Variants in OPCML observed in about 807,000 individuals in gnomAD.
OPCML encodes opioid-binding protein/cell adhesion molecule.
Under a neutral mutation model 37.8 loss-of-function variants are expected in OPCML, and 13 were observed. That is an observed-to-expected ratio of 0.34 (90% confidence interval 0.22 to 0.55). The LOEUF is 0.55. OPCML is among the 20% of genes least tolerant of loss of function. The pLI, the probability that OPCML is intolerant of heterozygous loss-of-function variation, is 0.91. For missense variants in OPCML, 341 were observed against 435.6 expected, an observed-to-expected ratio of 0.78 and a Z score of 1.93; for synonymous variants, 176 against 168.8, an observed-to-expected ratio of 1.04 and a Z score of -0.33.
chr11:132,550,509 A>G (rs1326287557), intron 3 of OPCML, among the ~76,000 whole-genome samples: 3 of 152,188 alleles, frequency 2.0e-5, no homozygotes, highest in African/African-American at 7.2e-5. Flanking sequence ...AGGCCTCCCC[A>G]AAAAGCAAGC....
chr11:133,200,499 A>T (rs2136318434), intron 1 of OPCML, among the ~76,000 whole-genome samples: 1 of 152,310 alleles, frequency 6.6e-6, no homozygotes, highest in East Asian at 1.9e-4. Context: ...GGCCACTTGT[A>T]TACAATTGTG....
chr11:133,365,881 C>T (rs1006050752), intron 1 of OPCML: 3 of 152,220 alleles, frequency 2.0e-5, no homozygotes, highest in Non-Finnish European at 4.4e-5. Context: ...CTTCCACTTA[C>T]AACCCAATGG....
chr11:132,696,385 AT>A (rs1943599760), intron 2 of OPCML, among the ~76,000 whole-genome samples: 1 of 152,248 alleles, frequency 6.6e-6, no homozygotes, highest in South Asian at 2.1e-4. Context: ...AAACTAGTAA[AT>A]TTTTTAGAAG....
At chr11:132,977,584 G>A (rs1946491603) in intron 1 of OPCML, among the ~76,000 whole-genome samples, 1 of 152,116 alleles carries the variant, frequency 6.6e-6, no homozygotes, top group Non-Finnish European at 1.5e-5. Context: ...ATACACTTTG[G>A]CAGAACCCCT....
intron 1 of OPCML, among the ~76,000 whole-genome samples, chr11:133,286,206 T>G (rs1478795585): frequency 6.6e-6 from 1 of 152,038 alleles, no homozygotes; most frequent in Non-Finnish European, 1.5e-5. Context: ...ATTCCAGCAC[T>G]TTGGGAGGCC....
intron 2 of OPCML, among the ~76,000 whole-genome samples, chr11:132,785,903 A>T (rs766819788): frequency 2.0e-5 from 3 of 152,240 alleles, no homozygotes; most frequent in Non-Finnish European, 2.9e-5. Flanking sequence ...GACATTTTTT[A>T]AAAAATATTT....
chr11:132,661,507 T>G (rs767472093), intron 2 of OPCML, among the ~76,000 whole-genome samples: 1 of 152,178 alleles, frequency 6.6e-6, no homozygotes, highest in Non-Finnish European at 1.5e-5. Flanking sequence ...TTGAGTGCTC[T>G]TCTAAACTCA....
At chr11:133,183,100 G>A (rs1291055977) in intron 1 of OPCML, among the ~76,000 whole-genome samples, 1 of 151,944 alleles carries the variant, frequency 6.6e-6, no homozygotes, top group Non-Finnish European at 1.5e-5. Context: ...GCTTTCTCTG[G>A]GTCCACATCT....
intron 2 of OPCML, among the ~76,000 whole-genome samples, chr11:132,864,096 C>T (rs905308202): frequency 2.0e-5 from 3 of 152,080 alleles, no homozygotes; most frequent in African/African-American, 7.2e-5. Context: ...CGCCACCAAG[C>T]CTGGCTAATT....
intron 3 of OPCML, among the ~76,000 whole-genome samples, chr11:132,529,448 G>C (rs2096317841): frequency 6.6e-6 from 1 of 152,098 alleles, no homozygotes; most frequent in South Asian, 2.1e-4. Context: ...TTGAGAGATG[G>C]TGTGACTGTT....
intron 2 of OPCML, among the ~76,000 whole-genome samples, chr11:132,913,877 G>C (rs979055): frequency 0.12 from 17,716 of 152,234 alleles, 1,223 homozygotes; most frequent in East Asian, 0.33. Context: ...GGGCTACATA[G>C]CACTCTCGAC....
intron 1 of OPCML, among the ~76,000 whole-genome samples, chr11:133,256,524 A>G (rs1941315962): frequency 6.6e-6 from 1 of 152,254 alleles, no homozygotes; most frequent in African/African-American, 2.4e-5. Flanking sequence ...GACTATGACA[A>G]TAATTTATTT....
intron 3 of OPCML, among the ~76,000 whole-genome samples, chr11:132,554,067 T>A (rs1353479581): frequency 6.6e-6 from 1 of 152,104 alleles, no homozygotes; most frequent in African/African-American, 2.4e-5. Flanking sequence ...GCCTGGAAAT[T>A]CCTGGGGCCT....
intron 1 of OPCML, among the ~76,000 whole-genome samples, chr11:133,111,354 G>A (rs762889039): frequency 1.3e-5 from 2 of 152,112 alleles, no homozygotes; most frequent in Non-Finnish European, 2.9e-5. Flanking sequence ...GTGTCCCTGG[G>A]CAAATATGAC....
At chr11:132,733,877 G>A (rs1278875349) in intron 2 of OPCML, among the ~76,000 whole-genome samples, 2 of 152,124 alleles carry the variant, frequency 1.3e-5, no homozygotes, top group African/African-American at 4.8e-5. Context: ...TGTACTGAGA[G>A]GGAACATATG....
intron 1 of OPCML, among the ~76,000 whole-genome samples, chr11:133,358,846 C>T (rs1279104845): frequency 1.3e-5 from 2 of 152,100 alleles, no homozygotes; most frequent in Non-Finnish European, 2.9e-5. Flanking sequence ...GGTGTTCCCC[C>T]CACCCCCGAC....
intron 1 of OPCML, among the ~76,000 whole-genome samples, chr11:132,991,597 T>C (rs879514281): frequency 1.2e-4 from 19 of 152,362 alleles, no homozygotes; most frequent in Non-Finnish European, 2.4e-4. Context: ...ATTTAATTTA[T>C]TTATTAAAAC....
intron 1 of OPCML, among the ~76,000 whole-genome samples, chr11:133,506,287 C>T (rs1202386772): frequency 5.3e-5 from 8 of 152,178 alleles, no homozygotes; most frequent in Non-Finnish European, 1.2e-4. Flanking sequence ...TCTTGAATTA[C>T]TTTTTCTGCA....
At chr11:132,846,607 G>A (rs575801831) in intron 2 of OPCML, among the ~76,000 whole-genome samples, 1 of 152,328 alleles carries the variant, frequency 6.6e-6, no homozygotes, top group South Asian at 2.1e-4. Flanking sequence ...TAGGATTGAA[G>A]CAGCTTTAAC....
Sources: allele counts gnomAD v4.1 joint callset (sites outside exome capture counted in the v4.1 genomes callset), GRCh38; gene constraint gnomAD v4.1.1; transcripts MANE v1.5; gene names NCBI Gene and HGNC (gene_info 2026-07-23, HGNC 2026-07-21).